Variants in SPIRE1 observed in about 807,000 individuals in gnomAD.
SPIRE1 encodes the protein protein spire homolog 1.
In SPIRE1, 40 loss-of-function variants were observed where a neutral mutation model predicts 94.1. The ratio of observed to expected loss-of-function variants is 0.43; its 90% CI spans 0.33 to 0.55. The LOEUF (loss-of-function observed/expected upper bound fraction) is 0.55, where lower values mean the gene tolerates loss of function less well. Ranked by LOEUF, SPIRE1 falls within the 20% of genes least tolerant of loss-of-function variation. The pLI is 0.06. For missense variants in SPIRE1, 838 were observed against 975.2 expected (o/e 0.86, Z 1.87); for synonymous variants, 376 against 371.7 (o/e 1.01, Z -0.13).
At chr18:12,555,315 A>C (rs1022353065) in intron 2 of SPIRE1, among the ~76,000 whole-genome samples, 1 of 152,142 alleles carries the variant, frequency 6.6e-6, no homozygotes, top group African/African-American at 2.4e-5. Context: ...CAAAAAAAAA[A>C]AAAATTTTTT....
At chr18:12,461,440 A>ATGCACG (rs1568183719) in intron 12 of SPIRE1, among the ~76,000 whole-genome samples, 3 of 119,304 alleles carry the variant, frequency 2.5e-5, no homozygotes, top group East Asian at 5.7e-4. Context: ...ATGTATGTAT[A>ATGCACG]TACATACATG....
At chr18:12,632,521 C>A (rs1598561626) in intron 2 of SPIRE1, among the ~76,000 whole-genome samples, 2 of 152,128 alleles carry the variant, frequency 1.3e-5, no homozygotes, top group Admixed American at 1.3e-4. Context: ...TCTTAATTAC[C>A]AAAGTAATAC....
chr18:12,449,921 C>G, intron 16 of SPIRE1, 25 bp from the exon 17 acceptor site: 2 of 1,607,994 alleles, frequency 1.2e-6, no homozygotes, highest in Non-Finnish European at 1.7e-6. Flanking sequence ...AAACAGAAGC[C>G]CAGCATTGTT....
chr18:12,516,909 C>T (rs2034212422), intron 4 of SPIRE1, among the ~76,000 whole-genome samples: 1 of 152,188 alleles, frequency 6.6e-6, no homozygotes, highest in African/African-American at 2.4e-5. Context: ...AAATCCCTCA[C>T]TCATTGCCAC....
chr18:12,512,963 C>T (rs1489177041), intron 4 of SPIRE1, among the ~76,000 whole-genome samples: 1 of 152,082 alleles, frequency 6.6e-6, no homozygotes, highest in African/African-American at 2.4e-5. Context: ...TCACACTCAA[C>T]AGAATCATCG....
chr18:12,545,927 T>C (rs1423600006), intron 3 of SPIRE1, among the ~76,000 whole-genome samples: 1 of 152,242 alleles, frequency 6.6e-6, no homozygotes, highest in Non-Finnish European at 1.5e-5. Flanking sequence ...CAATCATAAA[T>C]GTCCATGTTC....
intron 2 of SPIRE1, among the ~76,000 whole-genome samples, chr18:12,592,140 A>G (rs1053804158): frequency 6.6e-6 from 1 of 152,150 alleles, no homozygotes; most frequent in Non-Finnish European, 1.5e-5. Flanking sequence ...TCATCAGCAC[A>G]GAGATGAGAT....
At chr18:12,495,356 T>C (rs2033420061) in intron 7 of SPIRE1, among the ~76,000 whole-genome samples, 1 of 152,214 alleles carries the variant, frequency 6.6e-6, no homozygotes, top group African/African-American at 2.4e-5. Flanking sequence ...GAAATGGATG[T>C]ACAGCAGGTG....
intron 10 of SPIRE1, among the ~76,000 whole-genome samples, chr18:12,475,896 A>C (rs780840563): frequency 3.8e-4 from 58 of 152,222 alleles, no homozygotes; most frequent in African/African-American, 1.4e-3. Context: ...GAGCGGGCCT[A>C]GGGCAGGTGC....
Position 12,452,704 on chromosome 18 carries a change from T to C in SPIRE1, c.1848-192A>G, listed in dbSNP as rs2031306506. The C allele has an allele frequency of 6.2e-6, 4 of 646,290 alleles. No individual in the cohort carries two copies. The South Asian group carries it at 7.6e-5, about 12-fold the overall frequency. The allele number at this position is 646,290 out of a possible 1,614,324, so 40.0% of individuals were successfully genotyped here. On this transcript the variant is annotated intron_variant, in intron 14 of 16. Transcript: ENST00000409402. ...TCTACAGAACTTAACTCTTACACTG[T>C]CTCCTATAAAAGGATCAACTTACAT...
At chr18:12,558,772 G>A (rs2035595710) in intron 2 of SPIRE1, among the ~76,000 whole-genome samples, 1 of 152,182 alleles carries the variant, frequency 6.6e-6, no homozygotes, top group African/African-American at 2.4e-5. Flanking sequence ...GCTAGACACA[G>A]AGGGCTGATT....
intron 2 of SPIRE1, among the ~76,000 whole-genome samples, chr18:12,586,144 G>C (rs911383836): frequency 2.6e-5 from 4 of 152,116 alleles, no homozygotes; most frequent in Non-Finnish European, 5.9e-5. Flanking sequence ...AATAAAGACA[G>C]GGTCTCATTA....
chr18:12,590,204 T>A (rs1281878916), intron 2 of SPIRE1, among the ~76,000 whole-genome samples: 1 of 152,074 alleles, frequency 6.6e-6, no homozygotes, highest in African/African-American at 2.4e-5. Flanking sequence ...TCTCCTGCCT[T>A]AGCCTCCTAA....
At chr18:12,501,384 T>C (rs999541510) in intron 6 of SPIRE1, among the ~76,000 whole-genome samples, 1 of 152,064 alleles carries the variant, frequency 6.6e-6, no homozygotes, top group South Asian at 2.1e-4. Context: ...AGTCAGACTT[T>C]TTTTGTTTGT....
chr18:12,621,588 T>C (rs970115668), intron 2 of SPIRE1, among the ~76,000 whole-genome samples: 4 of 152,194 alleles, frequency 2.6e-5, no homozygotes, highest in African/African-American at 9.6e-5. Flanking sequence ...ACCCTGAACA[T>C]TATGCTAAAT....
chr18:12,538,262 C>T (rs185685576), intron 3 of SPIRE1, among the ~76,000 whole-genome samples: 39 of 152,104 alleles, frequency 2.6e-4, no homozygotes, highest in Middle Eastern at 3.4e-3. Flanking sequence ...AGTAAGCATG[C>T]AACAAAATCA....
chr18:12,512,799 A>G (rs2034079928), intron 4 of SPIRE1, among the ~76,000 whole-genome samples: 1 of 145,440 alleles, frequency 6.9e-6, no homozygotes, highest in Non-Finnish European at 1.5e-5. Flanking sequence ...TTTTAACTTA[A>G]GCTCTCTTCT....
Position 12,475,835 on chromosome 18 carries a change from T to C in SPIRE1, c.1404+3864A>G, listed in dbSNP as rs148795964. 7.5e-3 allele frequency among the ~76,000 whole-genome samples: 1,149 copies of C among 152,330 alleles called. 8 individuals are homozygous for C. Among genetic ancestry groups the C allele is most frequent in the Non-Finnish European group, 0.013 (853 of 68,024 alleles). The stretch of plus-strand genomic sequence containing the variant: ...TCCTCTCATCAAAGGGAGAATACGC[T>C]GATGGCCAGCAAGATCAAGTGTCCA... On this transcript the variant is annotated intron_variant, in intron 10 of 16. Coordinates refer to ENST00000409402, the MANE Select transcript of SPIRE1 (RefSeq NM_001128626.2).
chr18:12,651,902 C>T (rs370132584), intron 1 of SPIRE1, among the ~76,000 whole-genome samples: 7 of 152,120 alleles, frequency 4.6e-5, no homozygotes, highest in African/African-American at 1.7e-4. Context: ...TATTAGTATG[C>T]ACACAGGCAT....
Sources: allele counts gnomAD v4.1 joint callset (sites outside exome capture counted in the v4.1 genomes callset), GRCh38; gene constraint gnomAD v4.1.1; transcripts MANE v1.5; gene names NCBI Gene and HGNC (gene_info 2026-07-23, HGNC 2026-07-21).